KDM4B: variants seen among roughly 807,000 people sequenced by gnomAD.
KDM4B encodes the protein lysine demethylase 4B.
In KDM4B, 32 loss-of-function variants were observed where a neutral mutation model predicts 125.2. The observed-to-expected ratio is 0.26, with a 90% CI of 0.19 to 0.34. KDM4B has a LOEUF of 0.34. Among genes scored for constraint, KDM4B ranks in the 10% least tolerant of loss-of-function variants. The probability of loss-of-function intolerance (pLI) is 1.00; values close to 1 mark genes in which losing one functional copy is unlikely to be tolerated. For missense variants in KDM4B, 1,190 were observed against 1,577.7 expected (o/e 0.75, Z 4.16); for synonymous variants, 721 against 677.9 (o/e 1.06, Z -0.99).
chr19:5,036,024 G>C (rs960592612), intron 3 of KDM4B, among the ~76,000 whole-genome samples: 2 of 152,206 alleles, frequency 1.3e-5, no homozygotes, highest in African/African-American at 4.8e-5. Flanking sequence ...TGTGGGGACA[G>C]ATGGGCTCAG....
intron 21 of KDM4B, among the ~76,000 whole-genome samples, chr19:5,145,775 A>C (rs906278778): frequency 6.6e-6 from 1 of 151,996 alleles, no homozygotes; most frequent in Non-Finnish European, 1.5e-5. Flanking sequence ...CCATTTGAGG[A>C]GTGGAAACGA....
intron 9 of KDM4B, among the ~76,000 whole-genome samples, chr19:5,096,377 G>A (rs1447208290): frequency 2.6e-5 from 4 of 152,134 alleles, no homozygotes; most frequent in East Asian, 1.9e-4. Context: ...GAGCCACCGC[G>A]CCTGGCCATG....
intron 6 of KDM4B, among the ~76,000 whole-genome samples, chr19:5,048,324 G>A (rs2037098003): frequency 6.6e-6 from 1 of 152,174 alleles, no homozygotes; most frequent in Non-Finnish European, 1.5e-5. Flanking sequence ...GCGCATGTGA[G>A]TGCGCACGTG....
At chr19:5,148,570 G>A (rs962809446) in intron 21 of KDM4B, among the ~76,000 whole-genome samples, 7 of 152,230 alleles carry the variant, frequency 4.6e-5, no homozygotes, top group Admixed American at 3.9e-4. Flanking sequence ...AGGCCGAGTC[G>A]GGGCCGGGGA....
chr19:5,016,906 AAGAG>A (rs963460917), intron 2 of KDM4B, among the ~76,000 whole-genome samples: 16 of 152,278 alleles, frequency 1.1e-4, no homozygotes, highest in South Asian at 1.0e-3. Flanking sequence ...CACTCAGGAG[AAGAG>A]AGAGAATGAC....
chr19:5,119,554 G>C, intron 10 of KDM4B, 99 bp from the exon 11 acceptor site: 6 of 1,190,492 alleles, frequency 5.0e-6, no homozygotes, highest in Non-Finnish European at 7.3e-6. Context: ...GCGCTCTTCT[G>C]GGGGTGGGCG....
At chr19:5,131,032 G>T in intron 11 of KDM4B, 44 bp from the exon 12 acceptor site, 1 of 1,401,754 alleles carries the variant, frequency 7.1e-7, no homozygotes, top group Non-Finnish European at 9.5e-7. Flanking sequence ...ACCAGCACTT[G>T]AGCCCGGGTT....
At position 5,135,278 on chromosome 19, in the gene KDM4B, G is replaced by A. The variant is rs536841071; in HGVS notation, c.2086-61G>A. 27 of 1,218,060 alleles carry A rather than the reference G, an allele frequency of 2.2e-5. No homozygotes were observed. The East Asian group carries it at 4.3e-4, about 19-fold the overall frequency. 75.5% of individuals were successfully genotyped at this position (1,218,060 alleles called of 1,614,324 possible). On this transcript the variant is annotated intron_variant, in intron 14 of 22. Coordinates refer to ENST00000159111, the MANE Select transcript of KDM4B (RefSeq NM_015015.3). ...GGCAGGTGCCCTGAGAGAGGTCCGCGCCGCCCGCCCGCCTGCCCCACACAT... is the reference window on the plus strand; with the variant it reads ...GGCAGGTGCCCTGAGAGAGGTCCGCACCGCCCGCCCGCCTGCCCCACACAT...
At chr19:5,043,425 T>C (rs1375541010) in intron 5 of KDM4B, among the ~76,000 whole-genome samples, 1 of 149,240 alleles carries the variant, frequency 6.7e-6, no homozygotes, top group Non-Finnish European at 1.5e-5. Flanking sequence ...TGCGTGGTGT[T>C]TATCGGAGTG....
intron 1 of KDM4B, among the ~76,000 whole-genome samples, chr19:4,983,666 G>A (rs901807850): frequency 2.6e-5 from 4 of 152,184 alleles, no homozygotes; most frequent in Admixed American, 2.0e-4. Flanking sequence ...GGTGTTTCCG[G>A]GAAGAGAATG....
intron 6 of KDM4B, 198 bp from the exon 7 acceptor site, chr19:5,070,812 G>C: frequency 2.5e-5 from 13 of 514,400 alleles, no homozygotes; most frequent in South Asian, 5.4e-5. Context: ...TCCTCCACCT[G>C]CCCCACCTCG....
At chr19:5,146,042 G>A (rs981693624) in intron 21 of KDM4B, among the ~76,000 whole-genome samples, 1 of 151,796 alleles carries the variant, frequency 6.6e-6, no homozygotes, top group Admixed American at 6.6e-5. Flanking sequence ...CCTACCCCCC[G>A]CCGTGCAGGC....
chr19:5,026,406 C>T (rs1478314866), intron 2 of KDM4B, among the ~76,000 whole-genome samples: 1 of 152,176 alleles, frequency 6.6e-6, no homozygotes, highest in Admixed American at 6.5e-5. Context: ...CGGCCTCAAA[C>T]TCCTGAGCTC....
At chr19:5,099,037 TC>T (rs1202141622) in intron 9 of KDM4B, among the ~76,000 whole-genome samples, 1 of 152,232 alleles carries the variant, frequency 6.6e-6, no homozygotes, top group Admixed American at 6.5e-5. Context: ...CTGCTTTCTT[TC>T]CTTTTGGCAG....
chr19:5,114,027 C>G lies in KDM4B; in HGVS notation c.1115+3209C>G, dbSNP rs536251690. 1 of 1,282,678 alleles carries G rather than the reference C, an allele frequency of 7.8e-7. No homozygotes were observed. Among genetic ancestry groups the G allele is most frequent in the Admixed American group, 2.3e-5 (1 of 42,668 alleles). The allele number at this position is 1,282,678 out of a possible 1,614,324, so 79.5% of individuals were successfully genotyped here. A position where few individuals can be genotyped will look rare whatever the true frequency, so the allele number is the denominator to read the frequency against. On this transcript the variant is annotated intron_variant, in intron 10 of 22. Coordinates refer to ENST00000159111, the MANE Select transcript of KDM4B (RefSeq NM_015015.3). The surrounding 1 kb of genome is among the most constrained non-coding windows in gnomAD (Gnocchi z 5.8). ...CGTTGGGGGCTGTTTGTATTCTTCC[C>G]CCTGATGGATGGGTCGCCTAAAACT...
intron 9 of KDM4B, among the ~76,000 whole-genome samples, chr19:5,105,270 C>CA (rs1303227395): frequency 6.6e-6 from 1 of 152,266 alleles, no homozygotes; most frequent in African/African-American, 2.4e-5. Context: ...GCGCAGCTGC[C>CA]ACGCTCAGTA....
At position 5,122,286 on chromosome 19, in the gene KDM4B, C is replaced by T. The variant is rs184236360; in HGVS notation, c.1315+2434C>T. ...CTTCCGGTCTCTCTCTGACTCTTAC[C>T]CTCCTACCTTCTACCCGGTGAGGAC... is the stretch of plus-strand genomic sequence containing the variant. On this transcript the variant is annotated intron_variant, in intron 11 of 22. Transcript: ENST00000159111. Among the ~76,000 whole-genome samples the T allele has an allele frequency of 5.9e-5, 9 of 152,304 alleles. No individual in the cohort carries two copies. The East Asian group carries it at 1.4e-3, about 23-fold the overall frequency.
At chr19:4,999,824 C>T (rs1455165890) in intron 1 of KDM4B, among the ~76,000 whole-genome samples, 1 of 134,176 alleles carries the variant, frequency 7.5e-6, no homozygotes, top group Admixed American at 7.7e-5. Flanking sequence ...CACCCGTCCA[C>T]CCACCCACCG....
chr19:5,147,004 G>C (rs1322879695), intron 21 of KDM4B, among the ~76,000 whole-genome samples: 2 of 147,402 alleles, frequency 1.4e-5, no homozygotes, highest in African/African-American at 5.0e-5. Flanking sequence ...TCTAGTACAC[G>C]GCAGGATGGG....
Sources: gnomAD v4.1 joint callset for allele counts (sites outside exome capture counted in the v4.1 genomes callset) on GRCh38, gnomAD v4.1.1 for gene constraint, Gnocchi (gnomAD v3.1) non-coding constraint, MANE v1.5 for transcripts, NCBI Gene and HGNC (gene_info 2026-07-23, HGNC 2026-07-21) for gene names.